Variants in DEAF1 observed in about 807,000 individuals in gnomAD.
The protein encoded by DEAF1 is DEAF1 transcription factor, also known as deformed epidermal autoregulatory factor 1 homolog.
A neutral mutation model predicts 58.9 loss-of-function variants in DEAF1; 53 were observed. The ratio of observed to expected loss-of-function variants is 0.90; its 90% CI spans 0.72 to 1.13. The LOEUF (loss-of-function observed/expected upper bound fraction) is 1.13. DEAF1 is among the 50% of genes most tolerant of loss of function. The pLI, the probability that DEAF1 is intolerant of heterozygous loss-of-function variation, is 0.00. For synonymous variants in DEAF1, 385 were observed against 340.4 expected, an observed-to-expected ratio of 1.13 and a Z score of -1.44; for missense variants, 685 against 791.4, an observed-to-expected ratio of 0.87 and a Z score of 1.61.
At chr11:657,748 G>A (rs940585057) in intron 10 of DEAF1, among the ~76,000 whole-genome samples, 5 of 152,166 alleles carry the variant, frequency 3.3e-5, no homozygotes, top group African/African-American at 7.2e-5. Flanking sequence ...CCACCCCCAC[G>A]AGAAAGCACA....
At chr11:704,758 C>G (rs931298900) in intron 1 of DEAF1, 1 of 764,396 alleles carries the variant, frequency 1.3e-6, no homozygotes, top group Non-Finnish European at 1.9e-6. Context: ...GAGAGGCCAG[C>G]CTGGACTGTC....
chr11:644,567 C>A lies in DEAF1; in HGVS notation c.1681G>T (p.Glu561Ter). ...ATGGAGCCTCACACGGTCACCTTCT[C>A]CATCACGCTTTCAGCCACGTGGACT... is the stretch of plus-strand genomic sequence containing the variant. ...DEVHVAESVM[E>*]KVTV Residue 561 changes from glutamate to a stop codon, truncating the protein, a stop_gained, in exon 12 of 12, where the codon GAG becomes TAG. Coordinates refer to ENST00000382409, the MANE Select transcript of DEAF1 (RefSeq NM_021008.4). LOFTEE classifies it high-confidence loss of function. The surrounding 1 kb of genome is among the most constrained non-coding windows in gnomAD (Gnocchi z 4.3). The A allele has an allele frequency of 6.2e-7, 1 of 1,612,978 alleles. No individual in the cohort carries two copies.
chr11:701,510 A>C (rs1246519008), intron 1 of DEAF1, among the ~76,000 whole-genome samples: 2 of 141,450 alleles, frequency 1.4e-5, no homozygotes, highest in Admixed American at 1.5e-4. Context: ...TCCCGGGTTC[A>C]CGCCAGTCTC....
At chr11:677,214 C>T (rs1422582285) in intron 9 of DEAF1, among the ~76,000 whole-genome samples, 7 of 151,668 alleles carry the variant, frequency 4.6e-5, no homozygotes, top group African/African-American at 9.7e-5. Context: ...TCCTAAAGTG[C>T]TGGGATTAAA....
intron 1 of DEAF1, among the ~76,000 whole-genome samples, chr11:692,585 G>T (rs7481889): frequency 0.082 from 12,542 of 152,260 alleles, 628 homozygotes; most frequent in Admixed American, 0.18. Flanking sequence ...GGGCGCGGTG[G>T]CTCACGCCTG....
At chr11:678,110 G>C (rs1860159827) in intron 9 of DEAF1, among the ~76,000 whole-genome samples, 1 of 152,150 alleles carries the variant, frequency 6.6e-6, no homozygotes, top group Admixed American at 6.5e-5. Context: ...CTACCTGGGA[G>C]GCTGAGGCAG....
chr11:701,814 T>A (rs1861510289), intron 1 of DEAF1, among the ~76,000 whole-genome samples: 2 of 152,144 alleles, frequency 1.3e-5, no homozygotes, highest in Non-Finnish European at 2.9e-5. Flanking sequence ...CCCCTTTTTT[T>A]AACCACACAA....
chr11:672,082 C>T (rs547342235), intron 10 of DEAF1, among the ~76,000 whole-genome samples: 1 of 152,302 alleles, frequency 6.6e-6, no homozygotes, highest in African/African-American at 2.4e-5. Context: ...AATGACCATG[C>T]ATTCCTCCTA....
chr11:658,377 C>T (rs1278146132), intron 10 of DEAF1, among the ~76,000 whole-genome samples: 3 of 152,158 alleles, frequency 2.0e-5, no homozygotes, highest in Admixed American at 6.6e-5. Flanking sequence ...TGCAGTGAGC[C>T]GAGAACGCGC....
Position 644,802 on chromosome 11 carries a change from A to G in DEAF1, c.1594-148T>C. 6 of 697,888 alleles carry G rather than the reference A, an allele frequency of 8.6e-6. No homozygotes were observed. Among genetic ancestry groups the G allele is most frequent in the East Asian group, 2.7e-5 (1 of 36,942 alleles). The allele number at this position is 697,888 out of a possible 1,614,324, so 43.2% of individuals were successfully genotyped here. A position where few individuals can be genotyped will look rare whatever the true frequency, so the allele number is the denominator to read the frequency against. ...GCCCTCCCCAGCCCCCGTGCGCCCA[A>G]ACTCTGGTGGGCTCTGCTCCAATAC... On this transcript the variant is annotated intron_variant, in intron 11 of 11. Transcript: ENST00000382409. The surrounding 1 kb of genome is among the most constrained non-coding windows in gnomAD (Gnocchi z 4.3).
rs538969795 is a variant in DEAF1 at position 688,227 on chromosome 11, C to G, written c.517+104G>C. On this transcript the variant is annotated intron_variant, in intron 3 of 11. Coordinates refer to ENST00000382409, the MANE Select transcript of DEAF1 (RefSeq NM_021008.4). This position sits in a 1 kb window ranked among gnomAD's most constrained non-coding sequence, Gnocchi z 4.3. ...TTAAAATCTATTAATAGATGATATT[C>G]CAAATTTACCACAAAAAGAAACAAG... The G allele has an allele frequency of 1.3e-6, 2 of 1,530,082 alleles. No individual in the cohort carries two copies. The highest frequency in any genetic ancestry group is 2.4e-5 in the South Asian group (2 of 82,550). 94.8% of individuals were successfully genotyped at this position (1,530,082 alleles called of 1,614,324 possible). A position where few individuals can be genotyped will look rare whatever the true frequency, so the allele number is the denominator to read the frequency against.
chr11:697,973 C>T (rs1397102032), upstream of DEAF1: 1 of 152,272 alleles, frequency 6.6e-6, no homozygotes, highest in Non-Finnish European at 1.5e-5. Flanking sequence ...TCACCAACGC[C>T]AGGTTTCTGT....
At chr11:672,492 G>A (rs1050740422) in intron 10 of DEAF1, among the ~76,000 whole-genome samples, 2 of 152,198 alleles carry the variant, frequency 1.3e-5, no homozygotes, top group Non-Finnish European at 2.9e-5. Context: ...TTATGTGCTT[G>A]TCTAGTAGAA....
intron 10 of DEAF1, among the ~76,000 whole-genome samples, chr11:665,730 G>A (rs1195858807): frequency 2.6e-5 from 4 of 152,188 alleles, no homozygotes; most frequent in Non-Finnish European, 5.9e-5. Flanking sequence ...TGACATAGCA[G>A]GGACAGGTGA....
chr11:703,354 A>G, intron 1 of DEAF1: 1 of 1,390,152 alleles, frequency 7.2e-7, no homozygotes, highest in Non-Finnish European at 9.3e-7. Flanking sequence ...GGTGTTGGGA[A>G]CAGCTGCGGG....
intron 11 of DEAF1, 93 bp downstream of exon 11, chr11:653,869 G>C: frequency 9.1e-7 from 1 of 1,099,308 alleles, no homozygotes; most frequent in Non-Finnish European, 1.4e-6. Flanking sequence ...GTCAGGTGTG[G>C]CACCAGGAGC....
chr11:655,482 G>A (rs1409438632), intron 10 of DEAF1, among the ~76,000 whole-genome samples: 2 of 152,268 alleles, frequency 1.3e-5, no homozygotes, highest in Non-Finnish European at 1.5e-5. Flanking sequence ...AGACCACTGG[G>A]CCTAGGAGAG....
At chr11:683,226 G>T (rs980716936) in intron 6 of DEAF1, among the ~76,000 whole-genome samples, 8 of 152,190 alleles carry the variant, frequency 5.3e-5, no homozygotes, top group Non-Finnish European at 1.2e-4. Context: ...ATTTGATGAA[G>T]TCCAATCCAA....
chr11:653,872 C>A, intron 11 of DEAF1, 90 bp downstream of exon 11: 4 of 1,143,122 alleles, frequency 3.5e-6, no homozygotes, highest in Non-Finnish European at 5.3e-6. Context: ...AGGTGTGGCA[C>A]CAGGAGCACA....
Sources: gnomAD v4.1 joint callset for allele counts (sites outside exome capture counted in the v4.1 genomes callset) on GRCh38, gnomAD v4.1.1 for gene constraint, Gnocchi (gnomAD v3.1) non-coding constraint, MANE v1.5 for transcripts, NCBI Gene and HGNC (gene_info 2026-07-23, HGNC 2026-07-21) for gene names.